PDIA3: variants seen among roughly 807,000 people sequenced by gnomAD.
PDIA3 encodes the protein protein disulfide isomerase family A member 3.
Under a neutral mutation model 56.9 loss-of-function variants are expected in PDIA3, and 16 were observed. The ratio of observed to expected loss-of-function variants is 0.28; its 90% CI spans 0.19 to 0.43. PDIA3 has a LOEUF of 0.43. PDIA3 is among the 20% of genes least tolerant of loss of function. The probability of loss-of-function intolerance (pLI) is 1.00; values close to 1 mark genes in which losing one functional copy is unlikely to be tolerated. For synonymous variants in PDIA3, 192 were observed against 216.5 expected (o/e 0.89, Z 0.99); for missense variants, 485 against 621.3 (o/e 0.78, Z 2.33).
intron 7 of PDIA3, 124 bp downstream of exon 7, chr15:43,766,136 A>T: frequency 7.9e-5 from 20 of 253,574 alleles, no homozygotes; most frequent in African/African-American, 6.3e-4. Context: ...AGAAGAGGTA[A>T]AAAAAAAAAA....
chr15:43,765,404 T>A (rs2086841515), intron 5 of PDIA3, 46 bp from the exon 6 acceptor site: 1 of 1,062,502 alleles, frequency 9.4e-7, no homozygotes, highest in Non-Finnish European at 1.4e-6. Context: ...TGGGAGACAG[T>A]TCTTCTGCTA....
chr15:43,765,630 T>A, intron 6 of PDIA3, 64 bp downstream of exon 6: 1 of 1,069,296 alleles, frequency 9.4e-7, no homozygotes, highest in South Asian at 1.3e-5. Context: ...TTACCTCAGT[T>A]ATTAAGCCGA....
chr15:43,754,588 T>G (rs1219533743), intron 2 of PDIA3, among the ~76,000 whole-genome samples: 4 of 151,688 alleles, frequency 2.6e-5, no homozygotes, highest in Non-Finnish European at 5.9e-5. Flanking sequence ...CTGGGTGTGT[T>G]GGCTCACACC....
At chr15:43,759,440 G>GT (rs893082602) in intron 3 of PDIA3, among the ~76,000 whole-genome samples, 65 of 146,078 alleles carry the variant, frequency 4.4e-4, no homozygotes, top group Middle Eastern at 3.6e-3. Flanking sequence ...AACAAAACTT[G>GT]TTTTTTTTTT....
chr15:43,768,349 T>A (rs1402264970), intron 8 of PDIA3, 140 bp from the exon 9 acceptor site: 1 of 597,060 alleles, frequency 1.7e-6, no homozygotes, highest in African/African-American at 1.8e-5. Flanking sequence ...CAGTCGGTAG[T>A]TCTGCATATT....
chr15:43,763,132 C>G lies in PDIA3; in HGVS notation c.528C>G (p.Ser176Arg), dbSNP rs746470825. ...EAHSEFLKAA[S>R]NLRDNYRFAH... ...ACTCCGAGTTCCTAAAAGCAGCCAG[C>G]AACTTGAGGGATAACTACCGATTTG... The change falls in exon 5 of 13, where the codon AGC (serine) becomes AGG (arginine). Residue 176 changes from serine (S) to arginine (R), a missense_variant. Coordinates refer to ENST00000300289, the MANE Select transcript of PDIA3 (RefSeq NM_005313.5). The G allele has an allele frequency of 6.2e-7, 1 of 1,614,004 alleles. No individual in the cohort carries two copies. The highest frequency in any genetic ancestry group is 8.5e-7 in the Non-Finnish European group (1 of 1,179,858).
chr15:43,746,631 C>T lies in PDIA3; in HGVS notation c.92C>T (p.Thr31Met). 4.3e-6 allele frequency: 7 copies of T among 1,612,932 alleles called. No individual in the cohort carries two copies. Among genetic ancestry groups the T allele is most frequent in the Non-Finnish European group, 5.9e-6 (7 of 1,179,904 alleles). Residue 31 changes from threonine to methionine, a missense_variant, in exon 1 of 13, where the codon ACG (threonine) becomes ATG (methionine). By Grantham distance (81) the Thr-to-Met change is moderately conservative. Coordinates refer to ENST00000300289, the MANE Select transcript of PDIA3 (RefSeq NM_005313.5). ...LAAASDVLELTDDNFESRISD... is the reference protein window; with the variant it reads ...LAAASDVLELMDDNFESRISD... ...GCTGCCTCCGACGTGCTAGAACTCA[C>T]GGACGACAACTTCGAGAGTCGCATC...
intron 1 of PDIA3, among the ~76,000 whole-genome samples, chr15:43,747,768 A>G (rs551263378): frequency 7.9e-5 from 12 of 152,160 alleles, no homozygotes; most frequent in Non-Finnish European, 1.0e-4. Context: ...TATAACTTTT[A>G]TTTGCTTCAG....
At position 43,771,897 on chromosome 15, in the gene PDIA3, G is replaced by A; in HGVS notation, c.*679G>A. The A allele has an allele frequency of 3.0e-6, 1 of 336,450 alleles. No individual in the cohort carries two copies. The highest frequency in any genetic ancestry group is 4.5e-5 in the East Asian group (1 of 22,362). 20.8% of individuals were successfully genotyped at this position (336,450 alleles called of 1,614,324 possible). A position where few individuals can be genotyped will look rare whatever the true frequency, so the allele number is the denominator to read the frequency against. ...CTTGTTAGGCTGTCCATGCCCTAAG[G>A]ATGGGTTCCTGTTTATCCTTGCCAC... On this transcript the variant is annotated 3_prime_UTR_variant, in exon 13 of 13. Coordinates refer to ENST00000300289, the MANE Select transcript of PDIA3 (RefSeq NM_005313.5).
At chr15:43,761,814 G>C (rs2086818252) in intron 4 of PDIA3, among the ~76,000 whole-genome samples, 1 of 152,038 alleles carries the variant, frequency 6.6e-6, no homozygotes, top group African/African-American at 2.4e-5. Flanking sequence ...GACTGGAAGG[G>C]GTGGGTGTGG....
rs1280808449 is a variant in PDIA3, at chr15:43,763,169, G to A, written c.565G>A (p.Val189Ile). The part of the protein sequence containing the change: ...RDNYRFAHTN[V>I]ESLVNEYDDN... ...TAACTACCGATTTGCACATACGAAT[G>A]TTGAGTCTCTGGTGAACGAGTATGA... Residue 189 changes from valine (V) to isoleucine (I), a missense_variant, in exon 5 of 13, where the codon GTT becomes ATT. Coordinates refer to ENST00000300289, the MANE Select transcript of PDIA3 (RefSeq NM_005313.5). 1.2e-6 allele frequency: 2 copies of A among 1,614,138 alleles called. No homozygotes were observed. Among genetic ancestry groups the A allele is most frequent in the Non-Finnish European group, 1.7e-6 (2 of 1,179,984 alleles).
chr15:43,761,241 C>CAAAA (rs34237990), intron 3 of PDIA3, among the ~76,000 whole-genome samples, 183 bp from the exon 4 acceptor site: 1 of 95,524 alleles, frequency 1.0e-5, no homozygotes, highest in Non-Finnish European at 2.2e-5. Flanking sequence ...GACTCTGTCT[C>CAAAA]AAAAAAAAAA....
At chr15:43,752,666 T>G (rs1302417211) in intron 1 of PDIA3, 1 of 414,910 alleles carries the variant, frequency 2.4e-6, no homozygotes, top group Non-Finnish European at 4.8e-6. Flanking sequence ...GTTATAATCC[T>G]TTATTTTAAA....
chr15:43,770,449 T>C (rs2086874228), intron 11 of PDIA3, 74 bp from the exon 12 acceptor site: 3 of 1,356,582 alleles, frequency 2.2e-6, no homozygotes, highest in Non-Finnish European at 3.2e-6. Context: ...AACCACTGAT[T>C]CCTTCTTGGC....
chr15:43,752,299 A>G (rs2086749726), intron 1 of PDIA3, among the ~76,000 whole-genome samples: 1 of 152,242 alleles, frequency 6.6e-6, no homozygotes, highest in Non-Finnish European at 1.5e-5. Context: ...AAATCCATTT[A>G]CTATGCAGTA....
chr15:43,753,679 A>C, intron 1 of PDIA3, 145 bp from the exon 2 acceptor site: 1 of 620,816 alleles, frequency 1.6e-6, no homozygotes, highest in East Asian at 2.7e-5. Flanking sequence ...AACAATAATG[A>C]ATGTTGTTCA....
chr15:43,765,400 A>G lies in PDIA3; in HGVS notation c.603-50A>G, dbSNP rs759809721. ...TATCTCAAAAAAAAAAAGATGGGAG[A>G]CAGTTCTTCTGCTATCTGCCTACTG... is the stretch of plus-strand genomic sequence containing the variant. On this transcript the variant is annotated intron_variant, in intron 5 of 12. Transcript: ENST00000300289. 7 of 995,966 alleles carry G rather than the reference A, an allele frequency of 7.0e-6. No homozygotes were observed. In the African/African-American group the frequency reaches 9.8e-5, roughly 14 times the overall value. 61.7% of individuals were successfully genotyped at this position (995,966 alleles called of 1,614,324 possible).
intron 1 of PDIA3, among the ~76,000 whole-genome samples, chr15:43,753,219 A>G (rs1194892481): frequency 6.6e-6 from 1 of 152,068 alleles, no homozygotes; most frequent in East Asian, 1.9e-4. Flanking sequence ...CTTTGATTAC[A>G]GGTGCCCACC....
At chr15:43,757,795 GA>G (rs1283597119) in intron 3 of PDIA3, among the ~76,000 whole-genome samples, 1 of 151,144 alleles carries the variant, frequency 6.6e-6, no homozygotes, top group South Asian at 2.1e-4. Context: ...CCAGGAGGCG[GA>G]GGTTGCAGTG....
Sources: gnomAD v4.1 joint callset for allele counts (sites outside exome capture counted in the v4.1 genomes callset) on GRCh38, gnomAD v4.1.1 for gene constraint, MANE v1.5 for transcripts, NCBI Gene and HGNC (gene_info 2026-07-23, HGNC 2026-07-21) for gene names.